STK33: variants seen among roughly 807,000 people sequenced by gnomAD.
STK33 encodes serine/threonine-protein kinase 33.
Under a neutral mutation model 58.0 loss-of-function variants are expected in STK33, and 52 were observed. That is an observed-to-expected ratio of 0.90 (90% CI 0.72 to 1.13). STK33 has a LOEUF of 1.13. STK33 is among the 50% of genes most tolerant of loss of function. STK33 has a pLI of 0.00. For synonymous variants in STK33, 215 were observed against 200.1 expected (o/e 1.07, Z -0.63); for missense variants, 630 against 604.2 (o/e 1.04, Z -0.45).
intron 1 of STK33, among the ~76,000 whole-genome samples, chr11:8,513,909 TATTC>T: frequency 6.6e-6 from 1 of 152,262 alleles, no homozygotes; most frequent in Admixed American, 6.5e-5. Flanking sequence ...TACGAGTTCT[TATTC>T]ATTCTATTTT....
intron 15 of STK33, among the ~76,000 whole-genome samples, chr11:8,395,374 T>C (rs1221824711): frequency 6.6e-6 from 1 of 152,212 alleles, no homozygotes; most frequent in East Asian, 1.9e-4. Flanking sequence ...AGGCGTATCT[T>C]TGCTCCTCCT....
chr11:8,425,601 GAT>G (rs1338755139), intron 14 of STK33, among the ~76,000 whole-genome samples: 2 of 152,140 alleles, frequency 1.3e-5, no homozygotes, highest in African/African-American at 4.8e-5. Flanking sequence ...GTGTTTGCCT[GAT>G]ATGTCCTTTT....
chr11:8,426,087 T>G (rs1942701695), intron 14 of STK33, among the ~76,000 whole-genome samples: 1 of 152,228 alleles, frequency 6.6e-6, no homozygotes, highest in Non-Finnish European at 1.5e-5. Flanking sequence ...ATCCCAGGGT[T>G]TCTAGCCTTG....
At chr11:8,391,361 A>G (rs1458217123), downstream of STK33, among the ~76,000 whole-genome samples, 1 of 152,278 alleles carries the variant, frequency 6.6e-6, no homozygotes, top group Non-Finnish European at 1.5e-5. Context: ...GAAGGTACTA[A>G]GAAAATACTG....
intron 8 of STK33, among the ~76,000 whole-genome samples, chr11:8,457,755 C>T (rs1308548490): frequency 6.6e-6 from 1 of 152,144 alleles, no homozygotes; most frequent in Non-Finnish European, 1.5e-5. Flanking sequence ...AGAGGGGCAG[C>T]CTCTGTCTAA....
rs556377084 is a variant in STK33, at chr11:8,498,778, A to G, written c.-465-18164T>C. On this transcript the variant is annotated intron_variant, in intron 1 of 15. Transcript: ENST00000687296. ...GAACAGAGGCCTCAGAAATAACACCACACATCTACAATCATCTGATCTTTG... is the reference window on the plus strand; with the variant it reads ...GAACAGAGGCCTCAGAAATAACACCGCACATCTACAATCATCTGATCTTTG... Among the ~76,000 whole-genome samples, 113 of 152,174 alleles carry G rather than the reference A, an allele frequency of 7.4e-4. 1 individual carries two copies. The highest frequency in any genetic ancestry group is 1.4e-3 in the Non-Finnish European group (92 of 68,018).
At chr11:8,545,013 C>G (rs1955807549) in intron 1 of STK33, among the ~76,000 whole-genome samples, 1 of 152,140 alleles carries the variant, frequency 6.6e-6, no homozygotes, top group Admixed American at 6.6e-5. Context: ...AATCCAAAAG[C>G]TTTTCAAATG....
intron 1 of STK33, among the ~76,000 whole-genome samples, chr11:8,554,782 T>C (rs1381665474): frequency 1.3e-5 from 2 of 151,982 alleles, no homozygotes; most frequent in Non-Finnish European, 2.9e-5. Context: ...CCAAAATCCA[T>C]ATGTCAGAAG....
Position 8,434,810 on chromosome 11 carries a change from T to C in STK33, c.1146+684A>G, listed in dbSNP as rs368976008. Among the ~76,000 whole-genome samples, 246 of 152,308 alleles carry C rather than the reference T, an allele frequency of 1.6e-3. 2 individuals are homozygous for C. The highest frequency in any genetic ancestry group is 5.7e-3 in the African/African-American group (237 of 41,566). ...ACTTCGACTTGCATCTCACTGACCA[T>C]CACGATAACTAGCAAAGAACACTGG... is the stretch of plus-strand genomic sequence containing the variant. On this transcript the variant is annotated intron_variant, in intron 14 of 15. Transcript: ENST00000687296.
At chr11:8,556,144 T>G (rs1459149584) in intron 1 of STK33, among the ~76,000 whole-genome samples, 2 of 152,090 alleles carry the variant, frequency 1.3e-5, no homozygotes, top group Admixed American at 1.3e-4. Flanking sequence ...AAAGTTGAAG[T>G]AGAATATTGA....
chr11:8,565,694 A>C (rs1957402260), intron 1 of STK33: 1 of 152,208 alleles, frequency 6.6e-6, no homozygotes, highest in Non-Finnish European at 1.5e-5. Context: ...TACCATTAGA[A>C]ATCATTAACT....
chr11:8,348,843 TG>T, the STK33 span, among the ~76,000 whole-genome samples: 226 of 152,176 alleles, frequency 1.5e-3, 2 homozygotes, highest in African/African-American at 3.9e-3. Context: ...GTGGTGCCTC[TG>T]GCTGAGTGAA....
intron 1 of STK33, among the ~76,000 whole-genome samples, chr11:8,525,504 T>C (rs1405547581): frequency 6.6e-6 from 1 of 152,206 alleles, no homozygotes; most frequent in African/African-American, 2.4e-5. Flanking sequence ...GAAAAAATTA[T>C]AGCCTCTTGA....
chr11:8,459,459 G>C (rs1231185292), intron 8 of STK33, among the ~76,000 whole-genome samples: 1 of 152,014 alleles, frequency 6.6e-6, no homozygotes, highest in Non-Finnish European at 1.5e-5. Context: ...ACTCCTGCTT[G>C]TACCCATAAT....
At chr11:8,483,064 C>T (rs1305897866) in intron 1 of STK33, among the ~76,000 whole-genome samples, 1 of 152,054 alleles carries the variant, frequency 6.6e-6, no homozygotes, top group Non-Finnish European at 1.5e-5. Flanking sequence ...GTTGTGAGGA[C>T]TAACTATATA....
the STK33 span, among the ~76,000 whole-genome samples, chr11:8,366,876 G>A: frequency 2.6e-5 from 4 of 152,234 alleles, no homozygotes; most frequent in East Asian, 3.8e-4. Flanking sequence ...GGCTCAGGAT[G>A]AGTTTTCCCC....
intron 15 of STK33, among the ~76,000 whole-genome samples, chr11:8,398,046 T>C (rs1286168846): frequency 6.6e-6 from 1 of 152,304 alleles, no homozygotes; most frequent in South Asian, 2.1e-4. Context: ...TGCACGATAT[T>C]ATCCAGGAGA....
intron 2 of STK33, among the ~76,000 whole-genome samples, chr11:8,478,747 G>GAAA (rs567595541): frequency 7.1e-6 from 1 of 141,452 alleles, no homozygotes. Context: ...AAGTAAAGGG[G>GAAA]AAAAAAAAAA....
intron 14 of STK33, among the ~76,000 whole-genome samples, chr11:8,433,040 T>G (rs1375594340): frequency 1.3e-5 from 2 of 152,214 alleles, no homozygotes. Flanking sequence ...TGAAAAGAGA[T>G]AAATTTCTAA....
Sources: allele counts gnomAD v4.1 joint callset (sites outside exome capture counted in the v4.1 genomes callset), GRCh38; gene constraint gnomAD v4.1.1; transcripts MANE v1.5; gene names NCBI Gene and HGNC (gene_info 2026-07-23, HGNC 2026-07-21).